Variants in ITK observed in about 807,000 individuals in gnomAD.
ITK encodes tyrosine-protein kinase ITK/TSK.
In ITK, 45 loss-of-function variants were observed where a neutral mutation model predicts 87.6. The observed-to-expected ratio is 0.51, with a 90% CI of 0.40 to 0.66. The LOEUF (loss-of-function observed/expected upper bound fraction) is 0.66. Ranked by LOEUF, ITK falls within the 30% of genes least tolerant of loss-of-function variation. ITK has a pLI of 0.00. For missense variants in ITK, 605 were observed against 766.3 expected, an observed-to-expected ratio of 0.79 and a Z score of 2.48; for synonymous variants, 303 against 273.6, an observed-to-expected ratio of 1.11 and a Z score of -1.06.
chr5:157,244,413 A>G lies in ITK; in HGVS notation c.1384A>G (p.Met462Val). The change falls in exon 13 of 17, where the codon ATG (methionine) becomes GTG (valine). Residue 462 changes from methionine to valine, a missense_variant. This residue lies in a region of ITK where 464 missense variants were observed against 578.0 expected (regional missense o/e 0.80). Transcript: ENST00000422843. ...GLFAAETLLG[M>V]CLDVCEGMAY... ...TTTTGCTGCAGAGACCCTGCTGGGCATGTGTCTGGATGTGTGTGAGGGCAT... is the reference window on the plus strand; with the variant it reads ...TTTTGCTGCAGAGACCCTGCTGGGCGTGTGTCTGGATGTGTGTGAGGGCAT... 5.0e-6 allele frequency: 8 copies of G among 1,613,980 alleles called. No homozygotes were observed. The highest frequency in any genetic ancestry group is 6.8e-6 in the Non-Finnish European group (8 of 1,179,860).
intron 12 of ITK, 33 bp downstream of exon 12, chr5:157,243,827 C>T (rs1754963124): frequency 6.3e-7 from 1 of 1,597,514 alleles, no homozygotes; most frequent in Admixed American, 1.7e-5. Flanking sequence ...TGCAGAAACT[C>T]TGGGGGGAAC....
At position 157,249,118 on chromosome 5, in the gene ITK, T is replaced by C. The variant is rs1755088906; in HGVS notation, c.1791+111T>C. ...AGGATGAGGCAGGAGGGATAACTAA[T>C]ATAGATTAGCAACAACATGACTTTG... On this transcript the variant is annotated intron_variant, in intron 16 of 16. Coordinates refer to ENST00000422843, the MANE Select transcript of ITK (RefSeq NM_005546.4). 10 of 908,142 alleles carry C rather than the reference T, an allele frequency of 1.1e-5. No homozygotes were observed. The South Asian group carries it at 1.2e-4, about 11-fold the overall frequency. 56.3% of individuals were successfully genotyped at this position (908,142 alleles called of 1,614,324 possible).
intron 5 of ITK, among the ~76,000 whole-genome samples, chr5:157,220,827 T>C (rs941398752): frequency 2.0e-5 from 3 of 152,184 alleles, no homozygotes; most frequent in African/African-American, 7.2e-5. Context: ...AACATATATA[T>C]ACACAATTTT....
At chr5:157,197,386 A>G (rs1203835700) in intron 1 of ITK, among the ~76,000 whole-genome samples, 1 of 152,200 alleles carries the variant, frequency 6.6e-6, no homozygotes, top group Non-Finnish European at 1.5e-5. Flanking sequence ...CTAAGTTGAC[A>G]CTATGATGTT....
At chr5:157,187,930 T>A (rs1561645938) in intron 1 of ITK, among the ~76,000 whole-genome samples, 1 of 151,938 alleles carries the variant, frequency 6.6e-6, no homozygotes, top group African/African-American at 2.4e-5. Context: ...CTCCTGAGTT[T>A]CTGGGACTAG....
intron 4 of ITK, among the ~76,000 whole-genome samples, chr5:157,216,413 C>T (rs1216970078): frequency 6.6e-6 from 1 of 152,182 alleles, no homozygotes; most frequent in Non-Finnish European, 1.5e-5. Context: ...AGCAGTACAG[C>T]TGCCAACATT....
chr5:157,244,554 T>A, intron 13 of ITK, 76 bp downstream of exon 13: 3 of 826,420 alleles, frequency 3.6e-6, no homozygotes, highest in Non-Finnish European at 6.4e-6. Flanking sequence ...GGGAACGCAT[T>A]AATAAATAAT....
chr5:157,245,825 GAA>G (rs1755009215), intron 14 of ITK, 35 bp downstream of exon 14: 1 of 1,608,092 alleles, frequency 6.2e-7, no homozygotes, highest in Non-Finnish European at 8.5e-7. Flanking sequence ...GAAGTCTCAG[GAA>G]TGGGACTGAG....
chr5:157,240,320 A>C, intron 10 of ITK, 125 bp downstream of exon 10: 1 of 905,410 alleles, frequency 1.1e-6, no homozygotes, highest in Non-Finnish European at 1.8e-6. Flanking sequence ...TAAGAGTGCA[A>C]GCCCTATTGT....
chr5:157,245,616 A>G (rs112100918), intron 13 of ITK, 110 bp from the exon 14 acceptor site: 5 of 851,804 alleles, frequency 5.9e-6, no homozygotes, highest in East Asian at 2.5e-5. Flanking sequence ...ATGCCCTTGT[A>G]TGACAGCACT....
intron 16 of ITK, among the ~76,000 whole-genome samples, chr5:157,250,857 G>C (rs969009562): frequency 2.0e-5 from 3 of 152,020 alleles, no homozygotes; most frequent in Non-Finnish European, 4.4e-5. Context: ...TTTTTGGCTT[G>C]ATAGCTCATT....
At chr5:157,181,268 G>A (rs1392239421) in intron 1 of ITK, among the ~76,000 whole-genome samples, 153 bp downstream of exon 1, 1 of 152,192 alleles carries the variant, frequency 6.6e-6, no homozygotes, top group Non-Finnish European at 1.5e-5. Flanking sequence ...GTAATCAGAG[G>A]AGAATGCAGA....
In ITK at chr5:157,222,883, A is replaced by G. The variant is rs1215620380; in HGVS notation, c.516A>G (p.Glu172=). Residue 172 remains glutamate, a synonymous_variant, in exon 6 of 17, where the codon GAA becomes GAG. Coordinates refer to ENST00000422843, the MANE Select transcript of ITK (RefSeq NM_005546.4). The stretch of plus-strand genomic sequence containing the variant: ...CCCAGCGACCACTTTGGGAACCTGA[A>G]GAAACTGTGGTCATTGCCTTATATG... ...EDNRRPLWEP[E]ETVVIALYDY... 3.1e-6 allele frequency: 5 copies of G among 1,613,914 alleles called. No individual in the cohort carries two copies. The African/African-American group carries it at 5.3e-5, about 17-fold the overall frequency.
At chr5:157,200,367 G>A (rs550548715) in intron 1 of ITK, among the ~76,000 whole-genome samples, 1 of 152,290 alleles carries the variant, frequency 6.6e-6, no homozygotes, top group South Asian at 2.1e-4. Context: ...ATGAGAGCAG[G>A]TTGTACTTGG....
At chr5:157,237,234 A>C (rs1306413261) in intron 8 of ITK, among the ~76,000 whole-genome samples, 1 of 152,228 alleles carries the variant, frequency 6.6e-6, no homozygotes, top group Non-Finnish European at 1.5e-5. Context: ...AAAATTGTGC[A>C]TTCTGCAGCA....
chr5:157,213,869 A>G (rs1332622410), intron 3 of ITK, among the ~76,000 whole-genome samples: 1 of 152,174 alleles, frequency 6.6e-6, no homozygotes, highest in Non-Finnish European at 1.5e-5. Flanking sequence ...GCACCTTTGT[A>G]GAGCCCAGTG....
At chr5:157,207,247 A>G (rs1277256173) in intron 1 of ITK, among the ~76,000 whole-genome samples, 5 of 151,978 alleles carry the variant, frequency 3.3e-5, no homozygotes, top group South Asian at 4.2e-4. Context: ...GGCTGATTCA[A>G]TGGTGTCCAC....
At chr5:157,241,237 C>T (rs1015982827) in intron 10 of ITK, 1 of 167,976 alleles carries the variant, frequency 6.0e-6, no homozygotes, top group African/African-American at 2.4e-5. Flanking sequence ...AGTGCCCAGC[C>T]AGGGATTACA....
At chr5:157,184,491 T>C (rs557580922) in intron 1 of ITK, among the ~76,000 whole-genome samples, 1 of 152,278 alleles carries the variant, frequency 6.6e-6, no homozygotes, top group Admixed American at 6.5e-5. Flanking sequence ...ATGTGACTGA[T>C]ATCGGATCCT....
Sources: allele counts gnomAD v4.1 joint callset (sites outside exome capture counted in the v4.1 genomes callset), GRCh38; gene constraint gnomAD v4.1.1; regional missense constraint gnomAD v4.1.1; transcripts MANE v1.5; gene names NCBI Gene and HGNC (gene_info 2026-07-23, HGNC 2026-07-21).